SPRED1: variants seen among roughly 807,000 people sequenced by gnomAD.
The protein encoded by SPRED1 is sprouty related EVH1 domain containing 1.
Under a neutral mutation model 52.3 loss-of-function variants are expected in SPRED1, and 18 were observed. That is an observed-to-expected ratio of 0.34 (90% CI 0.24 to 0.51). The LOEUF (loss-of-function observed/expected upper bound fraction) is 0.51. Ranked by LOEUF, SPRED1 falls within the 20% of genes least tolerant of loss-of-function variation. The probability of loss-of-function intolerance (pLI) is 0.97; values close to 1 mark genes in which losing one functional copy is unlikely to be tolerated. For missense variants in SPRED1, 485 were observed against 551.0 expected (o/e 0.88, Z 1.20); for synonymous variants, 155 against 179.7 (o/e 0.86, Z 1.10).
At chr15:38,344,346 T>G (rs1403042774) in intron 5 of SPRED1, among the ~76,000 whole-genome samples, 1 of 152,152 alleles carries the variant, frequency 6.6e-6, no homozygotes, top group Non-Finnish European at 1.5e-5. Flanking sequence ...TGGGAATTTA[T>G]TTGGCCTACC....
intron 3 of SPRED1, among the ~76,000 whole-genome samples, chr15:38,323,340 A>T (rs1474933757): frequency 6.6e-6 from 1 of 152,144 alleles, no homozygotes; most frequent in East Asian, 1.9e-4. Flanking sequence ...ATTCTGATCC[A>T]GAAAAAATTA....
intron 2 of SPRED1, among the ~76,000 whole-genome samples, chr15:38,301,619 C>T (rs555747888): frequency 1.6e-4 from 25 of 152,190 alleles, no homozygotes; most frequent in Admixed American, 1.1e-3. Flanking sequence ...TTGAAAATAG[C>T]GAAGTCTTGT....
At chr15:38,282,523 T>C (rs1480861438) in intron 1 of SPRED1, among the ~76,000 whole-genome samples, 1 of 151,752 alleles carries the variant, frequency 6.6e-6, no homozygotes, top group East Asian at 1.9e-4. Context: ...AAAAAAAAAT[T>C]CTTATTTCAT....
At chr15:38,292,684 C>T (rs981586345) in intron 1 of SPRED1, among the ~76,000 whole-genome samples, 1 of 152,098 alleles carries the variant, frequency 6.6e-6, no homozygotes, top group Non-Finnish European at 1.5e-5. Flanking sequence ...CAATTAAGAC[C>T]CCTTGGGTCC....
chr15:38,339,467 C>T (rs1022721075), intron 4 of SPRED1, among the ~76,000 whole-genome samples: 1 of 152,154 alleles, frequency 6.6e-6, no homozygotes, highest in African/African-American at 2.4e-5. Flanking sequence ...AGCTCTTCTA[C>T]ATGACATGGT....
At chr15:38,255,621 T>G (rs1292639993) in intron 1 of SPRED1, among the ~76,000 whole-genome samples, 1 of 152,178 alleles carries the variant, frequency 6.6e-6, no homozygotes, top group African/African-American at 2.4e-5. Context: ...ATGTAGCTTT[T>G]AATATAGTAA....
At chr15:38,290,084 A>G (rs1328116817) in intron 1 of SPRED1, among the ~76,000 whole-genome samples, 3 of 152,188 alleles carry the variant, frequency 2.0e-5, no homozygotes, top group African/African-American at 4.8e-5. Flanking sequence ...TCCCAACTAT[A>G]GGATGATTTT....
chr15:38,272,814 G>T (rs917431996), intron 1 of SPRED1, among the ~76,000 whole-genome samples: 8 of 152,098 alleles, frequency 5.3e-5, no homozygotes, highest in Non-Finnish European at 7.4e-5. Context: ...CCTTAGGTTT[G>T]TTGGCAACTT....
intron 3 of SPRED1, among the ~76,000 whole-genome samples, chr15:38,323,418 C>T (rs1170685065): frequency 2.6e-5 from 4 of 151,876 alleles, no homozygotes; most frequent in Non-Finnish European, 5.9e-5. Flanking sequence ...GATCAGTGTT[C>T]TTAACCTTGG....
Position 38,332,935 on chromosome 15 carries a change from G to C in SPRED1, c.424-6802G>C, listed in dbSNP as rs577101949. ...ACTTTCAGGTTCATAAGTGATACTT[G>C]GCTATATCCTCACATGGTGGAAAGA... On this transcript the variant is annotated intron_variant, in intron 4 of 6. Coordinates refer to ENST00000299084, the MANE Select transcript of SPRED1 (RefSeq NM_152594.3). Among the ~76,000 whole-genome samples the C allele has an allele frequency of 2.6e-5, 4 of 152,270 alleles. 1 individual carries two copies. The South Asian group carries it at 8.3e-4, about 32-fold the overall frequency.
rs1458812086 is a variant in SPRED1, at chr15:38,299,250, G to A, written c.33-123G>A. On this transcript the variant is annotated intron_variant, in intron 1 of 6. Coordinates refer to ENST00000299084, the MANE Select transcript of SPRED1 (RefSeq NM_152594.3). ...CTACTTTCTGTAGATTTTCATGGAAGTAGTAAACACCTTAGTCACCACATG... is the reference window on the plus strand; with the variant it reads ...CTACTTTCTGTAGATTTTCATGGAAATAGTAAACACCTTAGTCACCACATG... The A allele has an allele frequency of 5.6e-6, 6 of 1,070,772 alleles. No individual in the cohort carries two copies. The East Asian group carries it at 1.4e-4, about 25-fold the overall frequency. The allele number at this position is 1,070,772 out of a possible 1,614,324, so 66.3% of individuals were successfully genotyped here.
rs565614848 is a variant in SPRED1, at chr15:38,307,294, A to G, written c.207+7747A>G. 1.1e-4 allele frequency among the ~76,000 whole-genome samples: 16 copies of G among 152,312 alleles called. 1 individual carries two copies. In the South Asian group the frequency reaches 3.3e-3, roughly 32 times the overall value. On this transcript the variant is annotated intron_variant, in intron 2 of 6. Transcript: ENST00000299084. ...TGTATTAGTTTCCTTGGGCTGCCGT[A>G]ACAAAATAACGTAGACTGAATGGTT...
At chr15:38,284,569 A>G (rs940840717) in intron 1 of SPRED1, among the ~76,000 whole-genome samples, 2 of 152,136 alleles carry the variant, frequency 1.3e-5, no homozygotes, top group East Asian at 3.8e-4. Context: ...TTCTGTTATA[A>G]TTTCTGACTT....
rs993031883 is a variant in SPRED1, at chr15:38,258,880, T to A, written c.32+5663T>A. Among the ~76,000 whole-genome samples, 35 of 152,210 alleles carry A rather than the reference T, an allele frequency of 2.3e-4. 1 individual carries two copies. The highest frequency in any genetic ancestry group is 4.4e-5 in the Non-Finnish European group (3 of 68,022). On this transcript the variant is annotated intron_variant, in intron 1 of 6. Coordinates refer to ENST00000299084, the MANE Select transcript of SPRED1 (RefSeq NM_152594.3). The stretch of plus-strand genomic sequence containing the variant: ...TGGTATAGTCTAAAGAACACTGGAC[T>A]TGAAATTGGGAGATGGATTTCTTTT...
intron 5 of SPRED1, among the ~76,000 whole-genome samples, chr15:38,347,888 G>A (rs1172191343): frequency 6.6e-6 from 1 of 151,918 alleles, no homozygotes; most frequent in Non-Finnish European, 1.5e-5. Context: ...ATTAATTGGG[G>A]TGTATCTTAT....
At chr15:38,260,802 A>C (rs1176204634) in intron 1 of SPRED1, among the ~76,000 whole-genome samples, 1 of 152,216 alleles carries the variant, frequency 6.6e-6, no homozygotes, top group African/African-American at 2.4e-5. Flanking sequence ...CATGACACAA[A>C]AGGCTAAAAT....
intron 2 of SPRED1, among the ~76,000 whole-genome samples, chr15:38,307,042 C>G (rs913356238): frequency 1.3e-5 from 2 of 152,162 alleles, no homozygotes; most frequent in Non-Finnish European, 2.9e-5. Context: ...CCATTATCTT[C>G]CAATTGCCAT....
At chr15:38,295,920 T>C (rs973847970) in intron 1 of SPRED1, among the ~76,000 whole-genome samples, 1 of 45,372 alleles carries the variant, frequency 2.2e-5, no homozygotes, top group Non-Finnish European at 7.6e-5. Context: ...ACTATCTGCC[T>C]TCTTGGTGGA....
intron 1 of SPRED1, among the ~76,000 whole-genome samples, chr15:38,289,626 C>G (rs1237088257): frequency 2.0e-5 from 3 of 151,850 alleles, no homozygotes; most frequent in African/African-American, 7.3e-5. Flanking sequence ...CCTTTCCTGA[C>G]TGTATAGGAC....
Sources: allele counts gnomAD v4.1 joint callset (sites outside exome capture counted in the v4.1 genomes callset), GRCh38; gene constraint gnomAD v4.1.1; transcripts MANE v1.5; gene names NCBI Gene and HGNC (gene_info 2026-07-23, HGNC 2026-07-21).